The following STX3 variants were observed in gnomAD, a reference collection of about 807,000 sequenced individuals.
The protein encoded by STX3 is syntaxin-3.
STX3 carries 19 observed loss-of-function variants against 40.2 expected under a neutral mutation model. The observed-to-expected ratio is 0.47, with a 90% CI of 0.33 to 0.69. The LOEUF is 0.69. Ranked by LOEUF, STX3 falls within the 30% of genes least tolerant of loss-of-function variation. The probability of loss-of-function intolerance (pLI) is 0.02; values close to 1 mark genes in which losing one functional copy is unlikely to be tolerated. For synonymous variants in STX3, 122 were observed against 132.2 expected (o/e 0.92, Z 0.53); for missense variants, 364 against 366.7 (o/e 0.99, Z 0.06).
chr11:59,793,638 A>T, intron 8 of STX3, 124 bp downstream of exon 8: 1 of 1,339,306 alleles, frequency 7.5e-7, no homozygotes, highest in East Asian at 2.4e-5. Flanking sequence ...GGGAATTTGC[A>T]TAAAGGAGAA....
chr11:59,780,176 ATGTT>A (rs1369418592), intron 2 of STX3, among the ~76,000 whole-genome samples: 3 of 152,174 alleles, frequency 2.0e-5, no homozygotes, highest in African/African-American at 7.2e-5. Context: ...TATGGACTGA[ATGTT>A]TGTGTCCCCT....
At chr11:59,797,242 T>G (rs1865576440) in intron 9 of STX3, 41 bp from the exon 10 acceptor site, 2 of 1,544,024 alleles carry the variant, frequency 1.3e-6, no homozygotes, top group Non-Finnish European at 1.8e-6. Context: ...TTTTTGGTTG[T>G]TTGTAATAAT....
intron 4 of STX3, 49 bp downstream of exon 4, chr11:59,788,996 C>CT (rs748324110): frequency 1.3e-6 from 2 of 1,527,116 alleles, no homozygotes; most frequent in Admixed American, 3.7e-5. Context: ...CCATCTATCT[C>CT]AGCTCCCCTA....
chr11:59,783,348 T>C (rs753767065), intron 2 of STX3, among the ~76,000 whole-genome samples: 8 of 152,178 alleles, frequency 5.3e-5, no homozygotes, highest in East Asian at 1.9e-4. Context: ...TATTCCTGAG[T>C]TCAAACCTCA....
intron 2 of STX3, among the ~76,000 whole-genome samples, chr11:59,777,753 G>A (rs1361133832): frequency 6.6e-6 from 1 of 152,132 alleles, no homozygotes; most frequent in East Asian, 1.9e-4. Context: ...ATTATCTATT[G>A]TTATATCACA....
chr11:59,770,320 CGTGTGTGTATATGGG>C (rs1565167313), intron 1 of STX3, among the ~76,000 whole-genome samples: 2 of 101,498 alleles, frequency 2.0e-5, no homozygotes, highest in Admixed American at 1.2e-4. Flanking sequence ...TTATATGTAG[CGTGTGTGTATATGGG>C]GTGTGGGTGG....
chr11:59,791,158 CCT>C (rs1865132174), intron 5 of STX3, among the ~76,000 whole-genome samples: 1 of 152,112 alleles, frequency 6.6e-6, no homozygotes, highest in South Asian at 2.1e-4. Context: ...AGTAGTTTCC[CCT>C]CTCTGAGAGG....
In STX3 at chr11:59,803,323, C is replaced by G; in HGVS notation, c.*2499C>G. ...AAGGTGAGCCATCTGTGGGGAGGGT[C>G]AGACCTTCTTTCACTGACTTGAAAC... On this transcript the variant is annotated 3_prime_UTR_variant, in exon 11 of 11. Transcript: ENST00000337979. 1 of 1,225,594 alleles carries G rather than the reference C, an allele frequency of 8.2e-7. No homozygotes were observed. The highest frequency in any genetic ancestry group is 4.1e-5 in the South Asian group (1 of 24,156). 75.9% of individuals were successfully genotyped at this position (1,225,594 alleles called of 1,614,324 possible).
At chr11:59,772,546 T>C (rs1863713457) in intron 1 of STX3, among the ~76,000 whole-genome samples, 1 of 152,186 alleles carries the variant, frequency 6.6e-6, no homozygotes, top group Non-Finnish European at 1.5e-5. Context: ...TCTTTACTCC[T>C]AATGTGAAAA....
In STX3 at chr11:59,795,477, C is replaced by A. The variant is rs142968661; in HGVS notation, c.781C>A (p.Arg261=). The A allele has an allele frequency of 2.5e-5, 41 of 1,610,594 alleles. No homozygotes were observed. Among genetic ancestry groups the A allele is most frequent in the Non-Finnish European group, 3.3e-5 (39 of 1,178,526 alleles). ...AGCTGTGAAATACCAGAGTCAGGCC[C>A]GGAAGGTGAGACTCTCCTGTGGCCT... is the stretch of plus-strand genomic sequence containing the variant. The part of the protein sequence containing the change: ...KKAVKYQSQA[R]KKLIIIIVLV... Residue 261 remains arginine, a synonymous_variant, in exon 9 of 11, where the codon CGG becomes AGG. Coordinates refer to ENST00000337979, the MANE Select transcript of STX3 (RefSeq NM_004177.5).
intron 2 of STX3, among the ~76,000 whole-genome samples, chr11:59,781,091 T>C (rs1015301408): frequency 3.4e-5 from 5 of 147,096 alleles, no homozygotes; most frequent in African/African-American, 1.3e-4. Context: ...TTTTCTTTTT[T>C]TTTTTTTTTT....
Position 59,787,904 on chromosome 11 carries a change from A to G in STX3, c.214+768A>G, listed in dbSNP as rs139307801. Among the ~76,000 whole-genome samples, 8 of 152,136 alleles carry G rather than the reference A, an allele frequency of 5.3e-5. No homozygotes were observed. The South Asian group carries it at 1.7e-3, about 31-fold the overall frequency. On this transcript the variant is annotated intron_variant, in intron 3 of 10. Transcript: ENST00000337979. ...GTCATTCCACTCTTTCATTTTTCCC[A>G]TGGGCCCTCTTACCTAAAGACTGAA...
chr11:59,795,452 A>G lies in STX3; in HGVS notation c.756A>G (p.Lys252=), dbSNP rs1254917146. 1 of 1,613,246 alleles carries G rather than the reference A, an allele frequency of 6.2e-7. No homozygotes were observed. The highest frequency in any genetic ancestry group is 1.3e-5 in the African/African-American group (1 of 74,918). The change falls in exon 9 of 11, where the codon AAA becomes AAG. Residue 252 remains lysine (K), a synonymous_variant. Coordinates refer to ENST00000337979, the MANE Select transcript of STX3 (RefSeq NM_004177.5). ...HVEKARDETK[K]AVKYQSQARK... is the part of the protein sequence containing the mutation. ...AGAAGGCACGAGATGAAACGAAAAA[A>G]GCTGTGAAATACCAGAGTCAGGCCC...
upstream of STX3, chr11:59,754,891 A>C (rs1862627679): frequency 6.6e-6 from 1 of 152,124 alleles, no homozygotes. Context: ...CCAGATCTCC[A>C]GGTCTTTCCT....
intron 2 of STX3, chr11:59,781,439 C>T (rs1864376547): frequency 6.2e-7 from 1 of 1,610,922 alleles, no homozygotes; most frequent in African/African-American, 1.3e-5. Context: ...GATGCTGAAC[C>T]AATGCACCAT....
At position 59,793,428 on chromosome 11, in the gene STX3, C is replaced by T. The variant is rs746797808; in HGVS notation, c.589C>T (p.Arg197Ter). The T allele has an allele frequency of 1.1e-5, 18 of 1,613,968 alleles. No individual in the cohort carries two copies. The highest frequency in any genetic ancestry group is 3.3e-5 in the Admixed American group (2 of 59,990). Residue 197 changes from arginine (R) to a stop codon, truncating the protein, a stop_gained, in exon 8 of 11, where the codon CGA becomes TGA. Transcript: ENST00000337979. LOFTEE classifies it high-confidence loss of function. ...SKQALSEIEG[R>*]HKDIVRLESS... ...GCAAGCCCTCAGTGAGATTGAGGGA[C>T]GACACAAGGACATTGTGAGGCTGGA...
chr11:59,760,577 C>T (rs1862978622), intron 1 of STX3, among the ~76,000 whole-genome samples: 1 of 152,098 alleles, frequency 6.6e-6, no homozygotes, highest in Non-Finnish European at 1.5e-5. Context: ...ACATCAATTA[C>T]AATAACAACA....
intron 5 of STX3, among the ~76,000 whole-genome samples, chr11:59,791,785 C>T (rs779784189): frequency 6.6e-6 from 1 of 152,138 alleles, no homozygotes; most frequent in South Asian, 2.1e-4. Context: ...TTTTAGAATG[C>T]AAGCCAAGTG....
At chr11:59,756,047 C>A (rs1862698522) in intron 1 of STX3, among the ~76,000 whole-genome samples, 1 of 152,168 alleles carries the variant, frequency 6.6e-6, no homozygotes, top group South Asian at 2.1e-4. Flanking sequence ...GCCCCTTCCC[C>A]CAGGGAGCAG....
Sources: gnomAD v4.1 joint callset for allele counts (sites outside exome capture counted in the v4.1 genomes callset) on GRCh38, gnomAD v4.1.1 for gene constraint, MANE v1.5 for transcripts, NCBI Gene and HGNC (gene_info 2026-07-23, HGNC 2026-07-21) for gene names.